Variants in PCDHGB4 observed in about 807,000 individuals in gnomAD.
PCDHGB4 encodes protocadherin gamma subfamily B, 4.
A neutral mutation model predicts 60.5 loss-of-function variants in PCDHGB4; 38 were observed. The observed-to-expected ratio is 0.63, with a 90% CI of 0.48 to 0.82. The LOEUF (loss-of-function observed/expected upper bound fraction) is 0.82, where lower values mean the gene tolerates loss of function less well. PCDHGB4 is among the 40% of genes least tolerant of loss of function. PCDHGB4 has a pLI of 0.00. For missense variants in PCDHGB4, 1,109 were observed against 1,209.6 expected (o/e 0.92, Z 1.23); for synonymous variants, 456 against 509.7 (o/e 0.89, Z 1.42).
At position 141,432,349 on chromosome 5, in the gene PCDHGB4, G is replaced by T; in HGVS notation, c.2397+42068G>T. On this transcript the variant is annotated intron_variant, in intron 1 of 3. Transcript: ENST00000519479. This position sits in a 1 kb window ranked among gnomAD's most constrained non-coding sequence, Gnocchi z 6.0. Reference sequence around the variant, plus strand: ...ACGAGCAGTTCCGAGACTTGCAAGTGAAAGTGATGGCGCGGGACAACGGGC... The same window carrying T: ...ACGAGCAGTTCCGAGACTTGCAAGTTAAAGTGATGGCGCGGGACAACGGGC... 4 of 1,614,240 alleles carry T rather than the reference G, an allele frequency of 2.5e-6. No homozygotes were observed. Among genetic ancestry groups the T allele is most frequent in the Non-Finnish European group, 1.7e-6 (2 of 1,180,046 alleles).
Position 141,477,991 on chromosome 5 carries a change from T to C in PCDHGB4, c.2398-16816T>C, listed in dbSNP as rs774877878. On this transcript the variant is annotated intron_variant, in intron 1 of 3. Transcript: ENST00000519479. The surrounding 1 kb of genome is among the most constrained non-coding windows in gnomAD (Gnocchi z 4.9). The stretch of plus-strand genomic sequence containing the variant: ...GCCTTTTTGCCATAGGGCTGCACAC[T>C]GGTCAAATCAGTACTGCCCGTCCAG... 2 of 1,614,134 alleles carry C rather than the reference T, an allele frequency of 1.2e-6. No individual in the cohort carries two copies. Among genetic ancestry groups the C allele is most frequent in the South Asian group, 2.2e-5 (2 of 91,082 alleles).
intron 1 of PCDHGB4, among the ~76,000 whole-genome samples, chr5:141,446,746 C>T (rs1413869259): frequency 6.6e-6 from 1 of 152,170 alleles, no homozygotes; most frequent in Non-Finnish European, 1.5e-5. Context: ...GGATTACAGG[C>T]GTGAGCCACC....
At chr5:141,415,182 C>A (rs2095840318) in intron 1 of PCDHGB4, 1 of 1,613,842 alleles carries the variant, frequency 6.2e-7, no homozygotes, top group Admixed American at 1.7e-5. Flanking sequence ...TGGCCGTGGC[C>A]GACAGCATCC....
rs111263562 is a variant in PCDHGB4, at chr5:141,487,812, T to C, written c.2398-6995T>C. The C allele has an allele frequency of 1.1e-4, 148 of 1,408,204 alleles. 1 individual carries two copies. Among genetic ancestry groups the C allele is most frequent in the South Asian group, 1.6e-4 (12 of 73,988 alleles). The allele number at this position is 1,408,204 out of a possible 1,614,324, so 87.2% of individuals were successfully genotyped here. On this transcript the variant is annotated intron_variant, in intron 1 of 3. Coordinates refer to ENST00000519479, the MANE Select transcript of PCDHGB4 (RefSeq NM_003736.4). The surrounding 1 kb of genome is among the most constrained non-coding windows in gnomAD (Gnocchi z 5.0). ...TAACCAGAGTTGTCACAGTTTAGCA[T>C]TGGGGGCGGGTCATGCCTATATCTG...
Position 141,490,731 on chromosome 5 carries a change from G to A in PCDHGB4, c.2398-4076G>A, listed in dbSNP as rs139283997. The A allele has an allele frequency of 6.8e-6, 11 of 1,614,080 alleles. No homozygotes were observed. In the African/African-American group the frequency reaches 1.1e-4, roughly 16 times the overall value. Reference sequence around the variant, plus strand: ...TCACCTACTCCATTGTAGGAAATCAGGTTCAGGGAGCCCCAGCCTCCTCCT... The same window carrying A: ...TCACCTACTCCATTGTAGGAAATCAAGTTCAGGGAGCCCCAGCCTCCTCCT... On this transcript the variant is annotated intron_variant, in intron 1 of 3. Transcript: ENST00000519479. The surrounding 1 kb of genome is among the most constrained non-coding windows in gnomAD (Gnocchi z 5.4).
In PCDHGB4 at chr5:141,431,616, A is replaced by G. The variant is rs776151297; in HGVS notation, c.2397+41335A>G. 1 of 1,614,250 alleles carries G rather than the reference A, an allele frequency of 6.2e-7. No individual in the cohort carries two copies. Among genetic ancestry groups the G allele is most frequent in the Non-Finnish European group, 8.5e-7 (1 of 1,180,042 alleles). ...AGGTATTCCTTCCGGTATGTGGACG[A>G]CAAGGCGGCCCAAGTTTTCAAACTA... On this transcript the variant is annotated intron_variant, in intron 1 of 3. Transcript: ENST00000519479. This position sits in a 1 kb window ranked among gnomAD's most constrained non-coding sequence, Gnocchi z 4.8.
At chr5:141,418,328 G>A (rs1298044571) in intron 1 of PCDHGB4, 1 of 1,614,002 alleles carries the variant, frequency 6.2e-7, no homozygotes, top group Non-Finnish European at 8.5e-7. Flanking sequence ...TCTTGAGTCT[G>A]CAGAAGATCC....
chr5:141,449,562 C>T (rs1374591292), intron 1 of PCDHGB4, among the ~76,000 whole-genome samples: 1 of 143,862 alleles, frequency 7.0e-6, no homozygotes, highest in East Asian at 2.0e-4. Context: ...GCACTCCAGC[C>T]TGGGCGACAG....
rs1589085552 is a variant in PCDHGB4, at chr5:141,389,254, T to C, written c.1370T>C (p.Val457Ala). 6.2e-7 allele frequency: 1 copy of C among 1,614,012 alleles called. No homozygotes were observed. The change falls in exon 1 of 4, where the codon GTC becomes GCC. Residue 457 changes from valine to alanine, a missense_variant. Coordinates refer to ENST00000519479, the MANE Select transcript of PCDHGB4 (RefSeq NM_003736.4). ...APVFSQSSYI[V>A]HVAENNPPGA... ...GTTTTCTCACAGTCTTCCTATATAG[T>C]CCACGTGGCCGAGAACAACCCGCCT...
At chr5:141,505,780 G>A (rs1595982811) in intron 3 of PCDHGB4, among the ~76,000 whole-genome samples, 1 of 139,456 alleles carries the variant, frequency 7.2e-6, no homozygotes, top group Non-Finnish European at 1.6e-5. Flanking sequence ...TCCTAGCTCT[G>A]CTACTATCCT....
intron 1 of PCDHGB4, chr5:141,409,337 A>T: frequency 6.2e-7 from 1 of 1,614,012 alleles, no homozygotes; most frequent in Non-Finnish European, 8.5e-7. Flanking sequence ...TTTCGGAGGA[A>T]ATGGAGAAGT....
intron 1 of PCDHGB4, among the ~76,000 whole-genome samples, chr5:141,444,241 G>A (rs1302797543): frequency 3.1e-5 from 4 of 130,308 alleles, no homozygotes; most frequent in Admixed American, 1.9e-4. Flanking sequence ...GCATGCTCTC[G>A]GCTCACTGCA....
Position 141,486,226 on chromosome 5 carries a change from A to G in PCDHGB4, c.2398-8581A>G, listed in dbSNP as rs889500362. 5.0e-6 allele frequency: 8 copies of G among 1,614,012 alleles called. No individual in the cohort carries two copies. The highest frequency in any genetic ancestry group is 6.8e-6 in the Non-Finnish European group (8 of 1,180,018). On this transcript the variant is annotated intron_variant, in intron 1 of 3. Transcript: ENST00000519479. This position sits in a 1 kb window ranked among gnomAD's most constrained non-coding sequence, Gnocchi z 5.0. ...TAAATGACAATGCCCCTTACATCACAGTGACCTCAGAGCTTGGAACCCTCC... is the reference window on the plus strand; with the variant it reads ...TAAATGACAATGCCCCTTACATCACGGTGACCTCAGAGCTTGGAACCCTCC...
chr5:141,398,051 C>G, intron 1 of PCDHGB4: 3 of 1,512,220 alleles, frequency 2.0e-6, no homozygotes, highest in Non-Finnish European at 2.7e-6. Context: ...GTTCGGAGAT[C>G]CAAAAATCTA....
chr5:141,473,349 T>G (rs2099319716), intron 1 of PCDHGB4, among the ~76,000 whole-genome samples: 1 of 152,232 alleles, frequency 6.6e-6, no homozygotes, highest in Non-Finnish European at 1.5e-5. Context: ...ACAGTGAGGA[T>G]GCAAGTGGCC....
chr5:141,398,857 C>T (rs749773693), intron 1 of PCDHGB4: 15 of 1,613,800 alleles, frequency 9.3e-6, no homozygotes, highest in African/African-American at 1.3e-5. Flanking sequence ...GGTATTCAAC[C>T]GAGACGTGTA....
At chr5:141,390,339 C>A in intron 1 of PCDHGB4, 58 bp downstream of exon 1, 2 of 1,591,234 alleles carry the variant, frequency 1.3e-6, no homozygotes, top group Non-Finnish European at 1.7e-6. Flanking sequence ...TCCATATTCA[C>A]AAGAAAATAT....
chr5:141,400,072 C>G (rs1469206078), intron 1 of PCDHGB4: 1 of 1,613,934 alleles, frequency 6.2e-7, no homozygotes, highest in Non-Finnish European at 8.5e-7. Context: ...TGGACAGCCG[C>G]CACTCTCCGC....
chr5:141,422,780 T>C, intron 1 of PCDHGB4: 2 of 1,614,140 alleles, frequency 1.2e-6, no homozygotes, highest in Non-Finnish European at 1.7e-6. Context: ...CTCTATGCCC[T>C]ACAATCCTTC....
Sources: gnomAD v4.1 joint callset for allele counts (sites outside exome capture counted in the v4.1 genomes callset) on GRCh38, gnomAD v4.1.1 for gene constraint, Gnocchi (gnomAD v3.1) non-coding constraint, MANE v1.5 for transcripts, NCBI Gene and HGNC (gene_info 2026-07-23, HGNC 2026-07-21) for gene names.